Variants in STAP2 observed in about 807,000 individuals in gnomAD.
STAP2 encodes signal-transducing adaptor protein 2.
Under a neutral mutation model 52.7 loss-of-function variants are expected in STAP2, and 58 were observed. The ratio of observed to expected loss-of-function variants is 1.10; its 90% CI spans 0.89 to 1.37. STAP2 has a LOEUF of 1.37. Ranked by LOEUF, STAP2 falls within the 40% of genes most tolerant of loss-of-function variation. STAP2 has a pLI of 0.00. For synonymous variants in STAP2, 231 were observed against 210.5 expected (o/e 1.10, Z -0.84); for missense variants, 522 against 519.4 (o/e 1.00, Z -0.05).
At chr19:4,338,048 C>T (rs1972006720) in intron 1 of STAP2, among the ~76,000 whole-genome samples, 2 of 152,000 alleles carry the variant, frequency 1.3e-5, no homozygotes, top group Admixed American at 6.6e-5. Context: ...AATGAATATG[C>T]GGCATTGGGA....
chr19:4,337,894 C>T (rs557580653), intron 1 of STAP2, among the ~76,000 whole-genome samples: 2 of 152,110 alleles, frequency 1.3e-5, no homozygotes, highest in South Asian at 4.2e-4. Flanking sequence ...GCAGTGCATG[C>T]CTGTGGTCCC....
In STAP2 at chr19:4,330,060, A is replaced by G. The variant is rs1461012357; in HGVS notation, c.356T>C (p.Leu119Pro). ...WKGFILTVVELRVPTDLTLLP... is the reference protein window; with the variant it reads ...WKGFILTVVEPRVPTDLTLLP... The stretch of plus-strand genomic sequence containing the variant: ...CAGGGTCAAGTCGGTCGGGACACGG[A>G]GCTGAGGGGCGATCGAGGGACAGTG... The change falls in exon 5 of 13, where the codon CTC (leucine) becomes CCC (proline). Residue 119 changes from leucine (L) to proline (P), a missense_variant and splice_region_variant. Coordinates refer to ENST00000594605, the MANE Select transcript of STAP2 (RefSeq NM_001013841.2). 3 of 1,613,128 alleles carry G rather than the reference A, an allele frequency of 1.9e-6. No homozygotes were observed. The highest frequency in any genetic ancestry group is 2.5e-6 in the Non-Finnish European group (3 of 1,179,766).
Position 4,327,246 on chromosome 19 carries a change from C to T in STAP2, c.661-20G>A, listed in dbSNP as rs1971808902. 1.9e-6 allele frequency: 3 copies of T among 1,613,840 alleles called. No homozygotes were observed. The highest frequency in any genetic ancestry group is 2.5e-6 in the Non-Finnish European group (3 of 1,179,910). ...AGAGAACTGGGGGCAGATGGGGGAG[C>T]GGTCAGGCTGCTGGAGAAGGGACGC... is the stretch of plus-strand genomic sequence containing the variant. On this transcript the variant is annotated intron_variant, in intron 7 of 12. Transcript: ENST00000594605.
At chr19:4,329,048 T>A in intron 5 of STAP2, 1 of 520,772 alleles carries the variant, frequency 1.9e-6, no homozygotes, top group South Asian at 2.5e-5. Context: ...TTGCCCAGGC[T>A]GGAGTGCAAT....
At position 4,327,177 on chromosome 19, in the gene STAP2, G is replaced by A; in HGVS notation, c.710C>T (p.Thr237Ile). 1 of 1,614,180 alleles carries A rather than the reference G, an allele frequency of 6.2e-7. No individual in the cohort carries two copies. Among genetic ancestry groups the A allele is most frequent in the Non-Finnish European group, 8.5e-7 (1 of 1,180,018 alleles). ...CAGGAATGGCACCAGCGCCTTTTTG[G>A]TATGCGACACGAAATAGTTGACCAC... ...DAVVNYFVSHTKKALVPFLLD... is the reference protein window; with the variant it reads ...DAVVNYFVSHIKKALVPFLLD... Residue 237 changes from threonine to isoleucine, a missense_variant, in exon 8 of 13, where the codon ACC (threonine) becomes ATC (isoleucine). By Grantham distance (89) the Thr-to-Ile change is moderately conservative (BLOSUM62 -1). Coordinates refer to ENST00000594605, the MANE Select transcript of STAP2 (RefSeq NM_001013841.2).
chr19:4,337,702 G>A (rs1472002300), intron 1 of STAP2, among the ~76,000 whole-genome samples: 1 of 151,954 alleles, frequency 6.6e-6, no homozygotes, highest in Non-Finnish European at 1.5e-5. Context: ...CAAAAATTAG[G>A]TGTGGTGGTG....
chr19:4,330,690 G>A (rs1263092132), intron 4 of STAP2, among the ~76,000 whole-genome samples: 9 of 151,024 alleles, frequency 6.0e-5, no homozygotes, highest in Admixed American at 6.0e-4. Context: ...AAAATTCCCG[G>A]TTGATAAATG....
rs750542464 is a variant in STAP2, at chr19:4,325,201, G to T, written c.1072+15C>A. 3.2e-6 allele frequency: 5 copies of T among 1,564,670 alleles called. No individual in the cohort carries two copies. The South Asian group carries it at 5.8e-5, about 18-fold the overall frequency. On this transcript the variant is annotated intron_variant, in intron 11 of 12. Transcript: ENST00000594605. Reference sequence around the variant, plus strand: ...CTGCCATCAGGTGAGGGTGGGATATGGGGGGGACCCCAACCTGGCTTGGGT... The same window carrying T: ...CTGCCATCAGGTGAGGGTGGGATATTGGGGGGACCCCAACCTGGCTTGGGT...
intron 6 of STAP2, 142 bp downstream of exon 6, chr19:4,328,533 C>T (rs924500777): frequency 8.4e-6 from 10 of 1,196,934 alleles, no homozygotes; most frequent in Non-Finnish European, 1.2e-5. Context: ...ACTCCGTCCC[C>T]AGACGCCCGT....
intron 6 of STAP2, among the ~76,000 whole-genome samples, 155 bp from the exon 7 acceptor site, chr19:4,327,540 C>T (rs545554665): frequency 6.6e-6 from 1 of 151,808 alleles, no homozygotes; most frequent in African/African-American, 2.4e-5. Context: ...TGGTTCCACC[C>T]CATAAAGGAC....
rs1329767308 is a variant in STAP2 at position 4,336,794 on chromosome 19, C to T, written c.102+1858G>A. Among the ~76,000 whole-genome samples, 3 of 151,880 alleles carry T rather than the reference C, an allele frequency of 2.0e-5. No homozygotes were observed. The East Asian group carries it at 5.8e-4, about 29-fold the overall frequency. The stretch of plus-strand genomic sequence containing the variant: ...GGATTAAGGCGCCTGGCACCATACC[C>T]AGCTAATTTTTGTATTTTTTAGTAG... On this transcript the variant is annotated intron_variant, in intron 1 of 12. Transcript: ENST00000594605.
intron 6 of STAP2, among the ~76,000 whole-genome samples, chr19:4,327,935 C>T (rs1441904600): frequency 6.6e-6 from 1 of 151,846 alleles, no homozygotes; most frequent in African/African-American, 2.4e-5. Context: ...CAAAAAGGAT[C>T]ACGGCCATGA....
intron 1 of STAP2, among the ~76,000 whole-genome samples, chr19:4,334,948 C>T (rs111163830): frequency 4.1e-4 from 11 of 26,628 alleles, no homozygotes; most frequent in South Asian, 3.8e-3. Context: ...ATCCACTCAC[C>T]GTCCATCATC....
intron 6 of STAP2, among the ~76,000 whole-genome samples, 172 bp from the exon 7 acceptor site, chr19:4,327,557 C>T (rs1342234184): frequency 6.6e-6 from 1 of 151,922 alleles, no homozygotes; most frequent in African/African-American, 2.4e-5. Context: ...GGACCTAAGC[C>T]CCGTTGACCT....
chr19:4,326,914 A>C (rs772141224), intron 9 of STAP2, 28 bp downstream of exon 9: 1 of 1,544,990 alleles, frequency 6.5e-7, no homozygotes, highest in Non-Finnish European at 8.7e-7. Flanking sequence ...GATCCCTCCC[A>C]CCTCGGCCCG....
At chr19:4,332,490 G>A (rs1161372320) in intron 3 of STAP2, among the ~76,000 whole-genome samples, 2 of 151,872 alleles carry the variant, frequency 1.3e-5, no homozygotes, top group African/African-American at 4.8e-5. Flanking sequence ...ACAGGCATGA[G>A]CCACCATGCC....
At chr19:4,327,890 G>T (rs376588084) in intron 6 of STAP2, among the ~76,000 whole-genome samples, 3,645 of 7,600 alleles carry the variant, frequency 0.48, 65 homozygotes, top group African/African-American at 0.5. Context: ...TTCGCCCCCA[G>T]GGCTGGCTCC....
chr19:4,338,541 A>G (rs1972015919), intron 1 of STAP2, 111 bp downstream of exon 1: 1 of 1,032,164 alleles, frequency 9.7e-7, no homozygotes, highest in Non-Finnish European at 1.4e-6. Flanking sequence ...GTCCTGCCCC[A>G]TCCAGCACCC....
chr19:4,335,564 C>T (rs1311524855), intron 1 of STAP2, among the ~76,000 whole-genome samples: 1 of 152,182 alleles, frequency 6.6e-6, no homozygotes, highest in Non-Finnish European at 1.5e-5. Context: ...CCTGTCCATC[C>T]GTAGACACAA....
Sources: allele counts gnomAD v4.1 joint callset (sites outside exome capture counted in the v4.1 genomes callset), GRCh38; gene constraint gnomAD v4.1.1; transcripts MANE v1.5; gene names NCBI Gene and HGNC (gene_info 2026-07-23, HGNC 2026-07-21).